The following EXOC4 variants were observed in gnomAD, a reference collection of about 807,000 sequenced individuals.
The protein encoded by EXOC4 is exocyst complex component 4.
EXOC4 carries 71 observed loss-of-function variants against 107.2 expected under a neutral mutation model. The observed-to-expected ratio is 0.66, with a 90% confidence interval of 0.55 to 0.81. EXOC4 has a LOEUF of 0.81. Among genes scored for constraint, EXOC4 ranks in the 30% least tolerant of loss-of-function variants. EXOC4 has a pLI of 0.00. For synonymous variants in EXOC4, 456 were observed against 441.2 expected, an observed-to-expected ratio of 1.03 and a Z score of -0.42; for missense variants, 1,108 against 1,189.6, an observed-to-expected ratio of 0.93 and a Z score of 1.01.
At chr7:133,953,335 T>G (rs1415439107) in intron 14 of EXOC4, among the ~76,000 whole-genome samples, 1 of 151,984 alleles carries the variant, frequency 6.6e-6, no homozygotes, top group Non-Finnish European at 1.5e-5. Flanking sequence ...CAGTGGCTCA[T>G]GCCTGTAATC....
At position 133,480,048 on chromosome 7, in the gene EXOC4, A is replaced by G. The variant is rs1204631660; in HGVS notation, c.1329-2A>G. On this transcript the variant is annotated splice_acceptor_variant, in intron 8 of 17. Coordinates refer to ENST00000253861, the MANE Select transcript of EXOC4 (RefSeq NM_021807.4). LOFTEE classifies it high-confidence loss of function. ...GTCTGTTTCCCCTGTGTTTCTCTGC[A>G]GGTTCGAATCGTCCTCCCATGCCAT... 1 of 1,613,556 alleles carries G rather than the reference A, an allele frequency of 6.2e-7. No homozygotes were observed. Among genetic ancestry groups the G allele is most frequent in the Admixed American group, 1.7e-5 (1 of 60,004 alleles).
chr7:133,455,519 T>C (rs1798443938), intron 7 of EXOC4, among the ~76,000 whole-genome samples: 1 of 152,224 alleles, frequency 6.6e-6, no homozygotes, highest in African/African-American at 2.4e-5. Flanking sequence ...AATGTCATGG[T>C]TGATATATGA....
intron 9 of EXOC4, among the ~76,000 whole-genome samples, chr7:133,628,232 A>G (rs540761746): frequency 2.0e-5 from 3 of 152,314 alleles, no homozygotes; most frequent in East Asian, 1.9e-4. Flanking sequence ...ATATTGATTT[A>G]TGCTAGATTG....
At chr7:133,826,377 G>A (rs1420879887) in intron 11 of EXOC4, among the ~76,000 whole-genome samples, 1 of 152,066 alleles carries the variant, frequency 6.6e-6, no homozygotes, top group Non-Finnish European at 1.5e-5. Flanking sequence ...TTTCATCATG[G>A]TGAGGTGGGA....
intron 7 of EXOC4, among the ~76,000 whole-genome samples, chr7:133,445,639 C>CAAAT (rs892966024): frequency 4.0e-5 from 6 of 151,826 alleles, no homozygotes; most frequent in African/African-American, 1.5e-4. Context: ...AACAAACAAA[C>CAAAT]AAACAAATAA....
intron 11 of EXOC4, among the ~76,000 whole-genome samples, chr7:133,842,929 G>C (rs1301354291): frequency 1.3e-5 from 2 of 152,034 alleles, no homozygotes; most frequent in East Asian, 3.9e-4. Context: ...TTTCTTCATT[G>C]CTCATTTTTG....
At chr7:133,898,871 G>A (rs201943268) in intron 12 of EXOC4, among the ~76,000 whole-genome samples, 2 of 151,650 alleles carry the variant, frequency 1.3e-5, no homozygotes, top group Non-Finnish European at 2.9e-5. Flanking sequence ...CCAGCTACTC[G>A]GGAGGCTGAG....
chr7:133,750,001 G>T (rs904403122), intron 10 of EXOC4, among the ~76,000 whole-genome samples: 33 of 127,546 alleles, frequency 2.6e-4, no homozygotes, highest in African/African-American at 6.0e-4. Flanking sequence ...GTGGATTTTG[G>T]TGCCATGAAC....
chr7:133,451,057 G>A (rs1798334252), intron 7 of EXOC4, among the ~76,000 whole-genome samples: 1 of 152,154 alleles, frequency 6.6e-6, no homozygotes, highest in South Asian at 2.1e-4. Context: ...AAGGCTTTTT[G>A]TACCTACTTC....
intron 10 of EXOC4, among the ~76,000 whole-genome samples, chr7:133,726,310 C>T (rs1795213764): frequency 6.6e-6 from 1 of 152,120 alleles, no homozygotes; most frequent in South Asian, 2.1e-4. Flanking sequence ...TTTTAGCAGC[C>T]AAGTACAAGT....
At chr7:133,879,099 G>C (rs1369675050) in intron 11 of EXOC4, among the ~76,000 whole-genome samples, 1 of 151,960 alleles carries the variant, frequency 6.6e-6, no homozygotes, top group African/African-American at 2.4e-5. Context: ...GCCACAAAAT[G>C]GTTATTTTTT....
At chr7:134,045,690 C>T (rs58375389) in intron 17 of EXOC4, among the ~76,000 whole-genome samples, 6 of 152,014 alleles carry the variant, frequency 3.9e-5, no homozygotes, top group South Asian at 2.1e-4. Flanking sequence ...ATAGTCACAG[C>T]GTTGTACAGC....
intron 2 of EXOC4, among the ~76,000 whole-genome samples, chr7:133,287,617 A>G (rs1018045458): frequency 2.0e-5 from 3 of 152,138 alleles, no homozygotes; most frequent in East Asian, 1.9e-4. Flanking sequence ...CTGGCCTACT[A>G]TACTTATTAA....
At position 133,855,102 on chromosome 7, in the gene EXOC4, T is replaced by A. The variant is rs958925128; in HGVS notation, c.1734+37558T>A. On this transcript the variant is annotated intron_variant, in intron 11 of 17. Coordinates refer to ENST00000253861, the MANE Select transcript of EXOC4 (RefSeq NM_021807.4). Reference sequence around the variant, plus strand: ...ATCTAAATATATATAAATATATATATAAATATATATAAATATATATATATA... The same window carrying A: ...ATCTAAATATATATAAATATATATAAAAATATATATAAATATATATATATA... Among the ~76,000 whole-genome samples the A allele has an allele frequency of 6.0e-3, 252 of 41,846 alleles. 5 individuals carry two copies. Among genetic ancestry groups the A allele is most frequent in the Admixed American group, 0.029 (98 of 3,430 alleles). 27.5% of individuals were successfully genotyped at this position (41,846 alleles called of 152,430 possible).
At chr7:133,266,696 C>A (rs1562994544) in intron 1 of EXOC4, among the ~76,000 whole-genome samples, 1 of 152,092 alleles carries the variant, frequency 6.6e-6, no homozygotes, top group Non-Finnish European at 1.5e-5. Context: ...ATCTCTAGGC[C>A]TGAATTGAGT....
At chr7:133,620,340 C>T (rs1802300357) in intron 9 of EXOC4, among the ~76,000 whole-genome samples, 1 of 152,022 alleles carries the variant, frequency 6.6e-6, no homozygotes, top group Non-Finnish European at 1.5e-5. Flanking sequence ...TTCTGTTAAC[C>T]AACTAGTTAC....
chr7:134,100,358 C>T, the EXOC4 span, among the ~76,000 whole-genome samples: 4 of 97,912 alleles, frequency 4.1e-5, 1 homozygote, highest in African/African-American at 1.3e-4. Context: ...TTGAACTCCT[C>T]GCCTCCAGAA....
At chr7:133,599,915 TGGG>T (rs1801768981) in intron 9 of EXOC4, among the ~76,000 whole-genome samples, 1 of 98,584 alleles carries the variant, frequency 1.0e-5, no homozygotes, top group Non-Finnish European at 1.8e-5. Flanking sequence ...TTTTTTTTTT[TGGG>T]AGACAGGGTC....
At chr7:133,853,878 C>G (rs1323816504) in intron 11 of EXOC4, among the ~76,000 whole-genome samples, 2 of 152,174 alleles carry the variant, frequency 1.3e-5, no homozygotes, top group African/African-American at 2.4e-5. Flanking sequence ...GTGCTGTGCC[C>G]TCATTCTAGG....
Sources: allele counts gnomAD v4.1 joint callset (sites outside exome capture counted in the v4.1 genomes callset), GRCh38; gene constraint gnomAD v4.1.1; transcripts MANE v1.5; gene names NCBI Gene and HGNC (gene_info 2026-07-23, HGNC 2026-07-21).